The following PSD3 variants were observed in gnomAD, a reference collection of about 807,000 sequenced individuals.
The protein encoded by PSD3 is PH and SEC7 domain-containing protein 3.
PSD3 carries 49 observed loss-of-function variants against 105.5 expected under a neutral mutation model. That is an observed-to-expected ratio of 0.46 (90% CI 0.37 to 0.59). The LOEUF is 0.59. Among genes scored for constraint, PSD3 ranks in the 20% least tolerant of loss-of-function variants. The pLI, the probability that PSD3 is intolerant of heterozygous loss-of-function variation, is 0.00. For synonymous variants in PSD3, 557 were observed against 457.8 expected, an observed-to-expected ratio of 1.22 and a Z score of -2.77; for missense variants, 1,561 against 1,263.8, an observed-to-expected ratio of 1.24 and a Z score of -3.57.
At chr8:18,821,719 C>CACACACACACACA (rs1563312321) in intron 4 of PSD3, among the ~76,000 whole-genome samples, 1 of 20,236 alleles carries the variant, frequency 4.9e-5, no homozygotes, top group South Asian at 2.1e-3. Flanking sequence ...ACACACACAC[C>CACACACACACACA]CCAATAACAA....
intron 2 of PSD3, among the ~76,000 whole-genome samples, chr8:18,898,034 C>T (rs574272528): frequency 6.6e-6 from 1 of 152,184 alleles, no homozygotes; most frequent in East Asian, 1.9e-4. Context: ...TGCAGCTTTC[C>T]CCAGTTCAGT....
chr8:19,058,690 A>G (rs958782157), intron 1 of PSD3, among the ~76,000 whole-genome samples: 2 of 152,074 alleles, frequency 1.3e-5, no homozygotes, highest in Non-Finnish European at 2.9e-5. Flanking sequence ...ATTGTACAAA[A>G]GTTTCTTGAA....
At chr8:18,588,441 T>C (rs1803355174) in intron 12 of PSD3, among the ~76,000 whole-genome samples, 1 of 152,218 alleles carries the variant, frequency 6.6e-6, no homozygotes, top group Non-Finnish European at 1.5e-5. Context: ...AGACTGGTTA[T>C]TAAACATGGC....
intron 4 of PSD3, among the ~76,000 whole-genome samples, chr8:18,835,334 C>G (rs770884706): frequency 2.0e-5 from 3 of 152,156 alleles, no homozygotes; most frequent in Non-Finnish European, 2.9e-5. Flanking sequence ...TTACTCATCA[C>G]CTTTTTGACT....
At chr8:18,610,162 A>T (rs1805151281) in intron 11 of PSD3, among the ~76,000 whole-genome samples, 1 of 152,212 alleles carries the variant, frequency 6.6e-6, no homozygotes, top group Admixed American at 6.5e-5. Flanking sequence ...TAAAGGAAAA[A>T]AGTAGGGCAG....
intron 12 of PSD3, among the ~76,000 whole-genome samples, chr8:18,584,003 A>T (rs1035784711): frequency 9.9e-5 from 15 of 152,150 alleles, no homozygotes; most frequent in African/African-American, 3.6e-4. Flanking sequence ...GATACTGGAT[A>T]CTTAAGCCAT....
At chr8:18,887,237 T>C (rs1027439367) in intron 2 of PSD3, among the ~76,000 whole-genome samples, 2 of 152,238 alleles carry the variant, frequency 1.3e-5, no homozygotes, top group Admixed American at 1.3e-4. Context: ...AAACACATTG[T>C]TTAAAAGCTG....
chr8:18,782,017 C>T (rs1808683773), intron 8 of PSD3, among the ~76,000 whole-genome samples: 1 of 152,006 alleles, frequency 6.6e-6, no homozygotes, highest in African/African-American at 2.4e-5. Flanking sequence ...TTGAATTCTT[C>T]AGTTTCAGGA....
At chr8:18,798,585 G>C (rs1182228513) in intron 8 of PSD3, among the ~76,000 whole-genome samples, 2 of 152,078 alleles carry the variant, frequency 1.3e-5, no homozygotes, top group Admixed American at 6.5e-5. Flanking sequence ...CAAATCAAGG[G>C]ATAATATACT....
intron 1 of PSD3, among the ~76,000 whole-genome samples, chr8:19,061,505 TA>T (rs570620661): frequency 8.7e-4 from 129 of 147,626 alleles, no homozygotes; most frequent in Middle Eastern, 3.5e-3. Context: ...ATCATGCATT[TA>T]AAAAAAAAAA....
At chr8:18,734,922 T>C (rs1358592297) in intron 9 of PSD3, among the ~76,000 whole-genome samples, 1 of 152,208 alleles carries the variant, frequency 6.6e-6, no homozygotes, top group Non-Finnish European at 1.5e-5. Flanking sequence ...ACAGTCCTCA[T>C]CTCAGTTGAA....
chr8:18,690,157 G>C (rs142664219), intron 9 of PSD3, among the ~76,000 whole-genome samples: 1 of 152,252 alleles, frequency 6.6e-6, no homozygotes, highest in East Asian at 1.9e-4. Context: ...CTACTCATAA[G>C]AACTACGAAA....
intron 2 of PSD3, among the ~76,000 whole-genome samples, chr8:18,927,107 T>C (rs1266362288): frequency 6.6e-6 from 1 of 152,136 alleles, no homozygotes; most frequent in Non-Finnish European, 1.5e-5. Context: ...ATGGTATGTA[T>C]GGGAAAAGGG....
chr8:18,743,455 A>G (rs539831149), intron 9 of PSD3, among the ~76,000 whole-genome samples: 1 of 152,274 alleles, frequency 6.6e-6, no homozygotes, highest in African/African-American at 2.4e-5. Context: ...CTTTGTTACA[A>G]TAGATAATGA....
At chr8:18,671,250 A>C (rs1318489147) in intron 9 of PSD3, among the ~76,000 whole-genome samples, 1 of 152,210 alleles carries the variant, frequency 6.6e-6, no homozygotes, top group Non-Finnish European at 1.5e-5. Context: ...GAGGTTAGGC[A>C]GATTGTTGCT....
chr8:19,054,310 G>C (rs753569709), intron 1 of PSD3, among the ~76,000 whole-genome samples: 2 of 152,210 alleles, frequency 1.3e-5, no homozygotes, highest in African/African-American at 4.8e-5. Flanking sequence ...AAGCCCTTGA[G>C]ATTCAGGAGT....
At chr8:18,942,025 C>T (rs568198291) in intron 1 of PSD3, among the ~76,000 whole-genome samples, 1 of 151,788 alleles carries the variant, frequency 6.6e-6, no homozygotes, top group African/African-American at 2.4e-5. Flanking sequence ...ATCAAAAAGA[C>T]GAAGCAGAAA....
At chr8:18,724,315 G>T (rs565057418) in intron 9 of PSD3, among the ~76,000 whole-genome samples, 2 of 152,236 alleles carry the variant, frequency 1.3e-5, no homozygotes, top group South Asian at 4.1e-4. Context: ...AATCTCCTTA[G>T]AGTTCTTACT....
chr8:18,774,734 G>A (rs1339440074), intron 8 of PSD3: 1 of 363,562 alleles, frequency 2.8e-6, no homozygotes, highest in South Asian at 2.1e-5. Flanking sequence ...TCTGAGTTTG[G>A]CTAATGACGG....
Sources: gnomAD v4.1 joint callset for allele counts (sites outside exome capture counted in the v4.1 genomes callset) on GRCh38, gnomAD v4.1.1 for gene constraint, MANE v1.5 for transcripts, NCBI Gene and HGNC (gene_info 2026-07-23, HGNC 2026-07-21) for gene names.